The following CAMK1D variants were observed in gnomAD, a reference collection of about 807,000 sequenced individuals.
The protein encoded by CAMK1D is calcium/calmodulin dependent protein kinase ID, also known as calcium/calmodulin-dependent protein kinase type 1D.
CAMK1D carries 9 observed loss-of-function variants against 47.7 expected under a neutral mutation model. The observed-to-expected ratio is 0.19, with a 90% CI of 0.11 to 0.33. CAMK1D has a LOEUF of 0.33. Ranked by LOEUF, CAMK1D falls within the 10% of genes least tolerant of loss-of-function variation. The pLI, the probability that CAMK1D is intolerant of heterozygous loss-of-function variation, is 1.00. For synonymous variants in CAMK1D, 184 were observed against 184.9 expected (o/e 0.99, Z 0.04); for missense variants, 291 against 488.7 (o/e 0.60, Z 3.81).
chr10:12,556,764 G>A (rs1836773937), intron 2 of CAMK1D, among the ~76,000 whole-genome samples: 1 of 152,204 alleles, frequency 6.6e-6, no homozygotes, highest in Admixed American at 6.5e-5. Flanking sequence ...TTTGATGAAA[G>A]GAGCAACATG....
At chr10:12,603,829 T>C (rs1838374451) in intron 2 of CAMK1D, among the ~76,000 whole-genome samples, 1 of 152,194 alleles carries the variant, frequency 6.6e-6, no homozygotes, top group East Asian at 1.9e-4. Flanking sequence ...CTGTTTCATC[T>C]TTCCCCCATC....
intron 2 of CAMK1D, among the ~76,000 whole-genome samples, chr10:12,617,527 C>T (rs1443845515): frequency 1.3e-5 from 2 of 152,110 alleles, no homozygotes; most frequent in East Asian, 3.9e-4. Context: ...ATAAGCGCAC[C>T]CCAGGGCGAG....
chr10:12,474,199 C>CTTTT (rs35554522), intron 1 of CAMK1D, among the ~76,000 whole-genome samples: 8 of 119,338 alleles, frequency 6.7e-5, no homozygotes, highest in African/African-American at 9.7e-5. Flanking sequence ...GAGGATCGTT[C>CTTTT]TTTTTTTTTT....
rs1305744393 is a variant in CAMK1D at position 12,504,424 on chromosome 10, A to G, written c.93-48801A>G. 2.6e-5 allele frequency among the ~76,000 whole-genome samples: 4 copies of G among 152,200 alleles called. No homozygotes were observed. The East Asian group carries it at 5.8e-4, about 22-fold the overall frequency. The stretch of plus-strand genomic sequence containing the variant: ...TGTCCGAGGTCAGGCGGCGATGGGT[A>G]GCCCCGCTGAAGAAGAGAAAGTGAA... On this transcript the variant is annotated intron_variant, in intron 1 of 10. Coordinates refer to ENST00000619168, the MANE Select transcript of CAMK1D (RefSeq NM_153498.4).
intron 3 of CAMK1D, among the ~76,000 whole-genome samples, chr10:12,749,565 TG>T (rs1175854150): frequency 0.12 from 16,638 of 141,776 alleles, 1,486 homozygotes; most frequent in African/African-American, 0.25. Context: ...TTTGTTTGTT[TG>T]TTTGTTTGTT....
intron 5 of CAMK1D, among the ~76,000 whole-genome samples, chr10:12,784,726 A>AT (rs1230254352): frequency 6.6e-6 from 1 of 152,028 alleles, no homozygotes; most frequent in Non-Finnish European, 1.5e-5. Flanking sequence ...GTCCTGTGTT[A>AT]TTTTTTCTTG....
intron 1 of CAMK1D, among the ~76,000 whole-genome samples, chr10:12,537,909 A>C (rs1836029056): frequency 6.6e-6 from 1 of 152,192 alleles, no homozygotes; most frequent in African/African-American, 2.4e-5. Flanking sequence ...AAATTTAATC[A>C]ACCTGAATTC....
intron 2 of CAMK1D, among the ~76,000 whole-genome samples, chr10:12,632,695 G>C (rs182925514): frequency 6.6e-6 from 1 of 151,992 alleles, no homozygotes; most frequent in Non-Finnish European, 1.5e-5. Context: ...CTTGTTTTTT[G>C]TTTTTGTTTT....
At chr10:12,547,682 T>TCTCACACACACACACACACACACACA (rs10643491) in intron 1 of CAMK1D, among the ~76,000 whole-genome samples, 10 of 116,556 alleles carry the variant, frequency 8.6e-5, no homozygotes, top group African/African-American at 3.7e-4. Flanking sequence ...TTTCTCTCTC[T>TCTCACACACACACACACACACACACA]CACACACACA....
intron 1 of CAMK1D, among the ~76,000 whole-genome samples, chr10:12,405,842 G>A (rs1839404120): frequency 6.6e-6 from 1 of 152,150 alleles, no homozygotes. Flanking sequence ...CTTCTTATCA[G>A]GACCAACGAG....
At chr10:12,781,873 C>T (rs1837512332) in intron 5 of CAMK1D, among the ~76,000 whole-genome samples, 1 of 152,048 alleles carries the variant, frequency 6.6e-6, no homozygotes, top group Non-Finnish European at 1.5e-5. Flanking sequence ...GTCTCAAACT[C>T]CTGACCTCAG....
chr10:12,401,055 ATATATATATTT>A (rs1446615626), intron 1 of CAMK1D, among the ~76,000 whole-genome samples: 23 of 99,856 alleles, frequency 2.3e-4, no homozygotes, highest in Middle Eastern at 4.3e-3. Context: ...TATATATATT[ATATATATATTT>A]TATATATATA....
intron 1 of CAMK1D, among the ~76,000 whole-genome samples, chr10:12,377,325 G>A (rs1838214088): frequency 6.6e-6 from 1 of 152,162 alleles, no homozygotes; most frequent in African/African-American, 2.4e-5. Context: ...GGAAAATTAA[G>A]TCAGATATCC....
chr10:12,777,035 C>T (rs1837278670), intron 5 of CAMK1D, among the ~76,000 whole-genome samples: 1 of 152,144 alleles, frequency 6.6e-6, no homozygotes, highest in Non-Finnish European at 1.5e-5. Context: ...GGCAAATTTG[C>T]AGATAGAGAA....
At chr10:12,550,729 T>C (rs1013859014) in intron 1 of CAMK1D, among the ~76,000 whole-genome samples, 1 of 152,196 alleles carries the variant, frequency 6.6e-6, no homozygotes, top group African/African-American at 2.4e-5. Flanking sequence ...ATTTGTGGAT[T>C]TGGGCAGAAG....
At chr10:12,397,982 C>G (rs1839023104) in intron 1 of CAMK1D, among the ~76,000 whole-genome samples, 1 of 152,216 alleles carries the variant, frequency 6.6e-6, no homozygotes, top group Admixed American at 6.5e-5. Flanking sequence ...AGCCGTCTAC[C>G]CCCTCCCACA....
intron 2 of CAMK1D, among the ~76,000 whole-genome samples, chr10:12,576,104 T>C (rs529445809): frequency 6.6e-6 from 1 of 152,358 alleles, no homozygotes; most frequent in African/African-American, 2.4e-5. Flanking sequence ...AAAGCAAAAA[T>C]GTGAACTGCA....
At chr10:12,705,037 A>G (rs1036342805) in intron 3 of CAMK1D, among the ~76,000 whole-genome samples, 2 of 152,206 alleles carry the variant, frequency 1.3e-5, no homozygotes, top group Admixed American at 6.5e-5. Flanking sequence ...GTTAGTTGAC[A>G]TACACACTGC....
chr10:12,728,349 G>A (rs1236686757), intron 3 of CAMK1D, among the ~76,000 whole-genome samples: 1 of 152,226 alleles, frequency 6.6e-6, no homozygotes, highest in East Asian at 1.9e-4. Context: ...TGCGTGGACA[G>A]ATTCTTGGGC....
Sources: allele counts gnomAD v4.1 joint callset (sites outside exome capture counted in the v4.1 genomes callset), GRCh38; gene constraint gnomAD v4.1.1; transcripts MANE v1.5; gene names NCBI Gene and HGNC (gene_info 2026-07-23, HGNC 2026-07-21).